Variants in AGBL4 observed in about 807,000 individuals in gnomAD.
The protein encoded by AGBL4 is AGBL carboxypeptidase 4, also known as cytosolic carboxypeptidase 6.
A neutral mutation model predicts 66.4 loss-of-function variants in AGBL4; 58 were observed. That is an observed-to-expected ratio of 0.87 (90% CI 0.71 to 1.09). AGBL4 has a LOEUF of 1.09. AGBL4 is among the 50% of genes least tolerant of loss of function. AGBL4 has a pLI of 0.00. For synonymous variants in AGBL4, 234 were observed against 222.9 expected (o/e 1.05, Z -0.44); for missense variants, 579 against 631.0 (o/e 0.92, Z 0.88).
chr1:49,042,290 G>A (rs1216718467), intron 5 of AGBL4, among the ~76,000 whole-genome samples: 2 of 151,936 alleles, frequency 1.3e-5, no homozygotes, highest in Admixed American at 1.3e-4. Context: ...GACTTTATAG[G>A]TGAAAAAAAT....
chr1:49,921,061 A>T (rs1390422409), intron 1 of AGBL4, among the ~76,000 whole-genome samples: 1 of 152,178 alleles, frequency 6.6e-6, no homozygotes, highest in Non-Finnish European at 1.5e-5. Flanking sequence ...GGACACAGGA[A>T]GTGGAACATC....
At chr1:50,023,113 C>A (rs1662570324) in intron 1 of AGBL4, among the ~76,000 whole-genome samples, 1 of 152,282 alleles carries the variant, frequency 6.6e-6, no homozygotes, top group East Asian at 1.9e-4. Context: ...CACGCTCCAG[C>A]CTCCTTTGGT....
intron 3 of AGBL4, among the ~76,000 whole-genome samples, chr1:49,585,820 T>C (rs1426469949): frequency 6.6e-6 from 1 of 151,922 alleles, no homozygotes; most frequent in African/African-American, 2.4e-5. Flanking sequence ...CATGTGGGAG[T>C]GGCTTTGGGC....
At chr1:49,661,333 C>T (rs1646265382) in intron 3 of AGBL4, among the ~76,000 whole-genome samples, 1 of 152,108 alleles carries the variant, frequency 6.6e-6, no homozygotes, top group African/African-American at 2.4e-5. Context: ...TGAAATGTGA[C>T]TTCCAATGTT....
At chr1:49,419,589 C>G (rs746953871) in intron 3 of AGBL4, among the ~76,000 whole-genome samples, 2 of 152,156 alleles carry the variant, frequency 1.3e-5, no homozygotes, top group Non-Finnish European at 2.9e-5. Flanking sequence ...CAAATGAAAT[C>G]TCAAGTAGTC....
intron 3 of AGBL4, among the ~76,000 whole-genome samples, chr1:49,323,272 A>T (rs1192888284): frequency 2.0e-5 from 3 of 151,728 alleles, no homozygotes; most frequent in Non-Finnish European, 4.4e-5. Context: ...GCCACACAGG[A>T]GATTTTTGTT....
intron 6 of AGBL4, among the ~76,000 whole-genome samples, chr1:48,830,434 A>T (rs1317851727): frequency 6.6e-6 from 1 of 152,210 alleles, no homozygotes; most frequent in Non-Finnish European, 1.5e-5. Flanking sequence ...AGAGAAAATG[A>T]GTTTCTAGCT....
At chr1:49,443,367 T>C (rs1156841542) in intron 3 of AGBL4, among the ~76,000 whole-genome samples, 1 of 152,112 alleles carries the variant, frequency 6.6e-6, no homozygotes. Flanking sequence ...GAAAGTTTTC[T>C]CTAGATGTTC....
intron 2 of AGBL4, among the ~76,000 whole-genome samples, chr1:49,829,664 C>T (rs897127783): frequency 7.9e-5 from 12 of 152,020 alleles, no homozygotes; most frequent in South Asian, 2.1e-4. Flanking sequence ...ATGTGCGGAA[C>T]GGTGCAGGTT....
At chr1:49,817,966 C>G (rs1386979189) in intron 2 of AGBL4, among the ~76,000 whole-genome samples, 1 of 152,114 alleles carries the variant, frequency 6.6e-6, no homozygotes, top group East Asian at 1.9e-4. Context: ...ATTCATTAAT[C>G]TGTGCCTGGG....
chr1:49,434,666 G>A (rs949065517), intron 3 of AGBL4, among the ~76,000 whole-genome samples: 2 of 151,488 alleles, frequency 1.3e-5, no homozygotes, highest in African/African-American at 2.4e-5. Flanking sequence ...TGTGGTGGTG[G>A]TGGTGGTAGT....
At chr1:48,755,843 C>G (rs1378300615) in intron 6 of AGBL4, among the ~76,000 whole-genome samples, 1 of 152,216 alleles carries the variant, frequency 6.6e-6, no homozygotes, top group Non-Finnish European at 1.5e-5. Flanking sequence ...AGTTCCTAGG[C>G]TCAGAAAGCA....
Position 49,991,907 on chromosome 1 carries a change from T to A in AGBL4, c.34+31856A>T, listed in dbSNP as rs1367865147. On this transcript the variant is annotated intron_variant, in intron 1 of 13. Transcript: ENST00000371839. ...TGAGCTTAAGCAAGTTATTATATAC[T>A]CTACACTTAAGTTCCATATCTATAA... Among the ~76,000 whole-genome samples the A allele has an allele frequency of 2.0e-5, 3 of 152,228 alleles. No individual in the cohort carries two copies. In the East Asian group the frequency reaches 5.8e-4, roughly 29 times the overall value.
intron 6 of AGBL4, among the ~76,000 whole-genome samples, chr1:48,685,072 T>C (rs1447848389): frequency 1.3e-5 from 2 of 152,282 alleles, no homozygotes; most frequent in East Asian, 1.9e-4. Context: ...ACATGGTGCA[T>C]GGTGCACACG....
chr1:49,031,151 A>G (rs1026941178), intron 5 of AGBL4, among the ~76,000 whole-genome samples: 4 of 152,120 alleles, frequency 2.6e-5, no homozygotes, highest in Non-Finnish European at 4.4e-5. Context: ...GCAGTGCAGC[A>G]ATGACACCTC....
intron 3 of AGBL4, among the ~76,000 whole-genome samples, chr1:49,460,953 T>C (rs1235003558): frequency 6.6e-6 from 1 of 151,790 alleles, no homozygotes; most frequent in Admixed American, 6.6e-5. Flanking sequence ...GCAGGGTTTC[T>C]GCTGAGAAAT....
intron 4 of AGBL4, among the ~76,000 whole-genome samples, chr1:49,109,320 G>A (rs1430383811): frequency 6.6e-6 from 1 of 152,160 alleles, no homozygotes; most frequent in African/African-American, 2.4e-5. Flanking sequence ...TGCACTGTCT[G>A]CCTCAACTGG....
At chr1:48,907,693 A>G (rs1652741136) in intron 5 of AGBL4, among the ~76,000 whole-genome samples, 1 of 152,164 alleles carries the variant, frequency 6.6e-6, no homozygotes, top group African/African-American at 2.4e-5. Context: ...TTTGCTGGGT[A>G]CATGCTGTTT....
At chr1:48,811,820 G>C (rs1646058346) in intron 6 of AGBL4, among the ~76,000 whole-genome samples, 1 of 152,148 alleles carries the variant, frequency 6.6e-6, no homozygotes, top group Non-Finnish European at 1.5e-5. Flanking sequence ...GGTGGGATCT[G>C]ATTTTAGAGC....
Sources: allele counts gnomAD v4.1 joint callset (sites outside exome capture counted in the v4.1 genomes callset), GRCh38; gene constraint gnomAD v4.1.1; transcripts MANE v1.5; gene names NCBI Gene and HGNC (gene_info 2026-07-23, HGNC 2026-07-21).